CPLANE1: variants seen among roughly 807,000 people sequenced by gnomAD.
CPLANE1 encodes ciliogenesis and planar polarity effector 1.
Under a neutral mutation model 362.5 loss-of-function variants are expected in CPLANE1, and 263 were observed. That is an observed-to-expected ratio of 0.73 (90% CI 0.66 to 0.80). The LOEUF is 0.80. Ranked by LOEUF, CPLANE1 falls within the 30% of genes least tolerant of loss-of-function variation. The pLI, the probability that CPLANE1 is intolerant of heterozygous loss-of-function variation, is 0.00. For synonymous variants in CPLANE1, 1,212 were observed against 1,302.6 expected, an observed-to-expected ratio of 0.93 and a Z score of 1.50; for missense variants, 3,461 against 3,793.4, an observed-to-expected ratio of 0.91 and a Z score of 2.30.
chr5:37,225,480 C>T (rs1796253180), intron 12 of CPLANE1, among the ~76,000 whole-genome samples: 1 of 152,128 alleles, frequency 6.6e-6, no homozygotes, highest in Non-Finnish European at 1.5e-5. Flanking sequence ...GATCCACCCA[C>T]CTCAGCCTCC....
rs777160266 is a variant in CPLANE1, at chr5:37,142,383, T to C, written c.8559A>G (p.Lys2853=). Residue 2853 remains lysine (K), a synonymous_variant, in exon 44 of 53, where the codon AAA becomes AAG. Coordinates refer to ENST00000651892, the MANE Select transcript of CPLANE1 (RefSeq NM_001384732.1). Reference sequence around the variant, plus strand: ...AATCGGCAGTAGGAAACACACAGGTTTTCTGACCAGAATAATTTTCTGTTA... The same window carrying C: ...AATCGGCAGTAGGAAACACACAGGTCTTCTGACCAGAATAATTTTCTGTTA... ...FSITENYSGQ[K]TCVFPTADSA... is the part of the protein sequence containing the mutation. 4.3e-6 allele frequency: 7 copies of C among 1,611,876 alleles called. No homozygotes were observed. In the African/African-American group the frequency reaches 9.4e-5, roughly 22 times the overall value.
intron 50 of CPLANE1, among the ~76,000 whole-genome samples, chr5:37,115,892 C>T (rs532224135): frequency 6.6e-6 from 1 of 151,884 alleles, no homozygotes; most frequent in South Asian, 2.1e-4. Flanking sequence ...CATGCCCGGC[C>T]GACTTTTACT....
At chr5:37,130,543 T>C (rs997423037) in intron 46 of CPLANE1, 17 of 210,440 alleles carry the variant, frequency 8.1e-5, no homozygotes, top group Non-Finnish European at 2.0e-5. Context: ...CATCTTAAAA[T>C]AAATGTTATG....
intron 21 of CPLANE1, among the ~76,000 whole-genome samples, chr5:37,192,606 T>C (rs2151303458): frequency 6.6e-6 from 1 of 152,268 alleles, no homozygotes; most frequent in South Asian, 2.1e-4. Context: ...GGCTCACACC[T>C]GTAATCCCAG....
In CPLANE1 at chr5:37,183,301, T is replaced by C. The variant is rs768285147; in HGVS notation, c.4880A>G (p.Glu1627Gly). Residue 1627 changes from glutamate to glycine, a missense_variant, in exon 26 of 53, where the codon GAA (glutamate) becomes GGA (glycine). Coordinates refer to ENST00000651892, the MANE Select transcript of CPLANE1 (RefSeq NM_001384732.1). ...ATTTAAAGAGGATGATTTTTCTGAT[T>C]CATAGGACTCAGGAGCAACAACAAA... ...SCFVVAPESYESEKSSSLNDE... is the reference protein window; with the variant it reads ...SCFVVAPESYGSEKSSSLNDE... 3 of 1,613,380 alleles carry C rather than the reference T, an allele frequency of 1.9e-6. No individual in the cohort carries two copies. Among genetic ancestry groups the C allele is most frequent in the South Asian group, 2.2e-5 (2 of 90,858 alleles).
At chr5:37,178,889 G>A (rs570547807) in intron 29 of CPLANE1, among the ~76,000 whole-genome samples, 21 of 152,130 alleles carry the variant, frequency 1.4e-4, no homozygotes, top group African/African-American at 5.1e-4. Context: ...CTTCTAAGTA[G>A]CTGAGACTAC....
intron 9 of CPLANE1, 130 bp downstream of exon 9, chr5:37,230,737 T>C (rs935152109): frequency 3.7e-6 from 2 of 533,742 alleles, no homozygotes; most frequent in African/African-American, 3.9e-5. Context: ...AAGAAACAGA[T>C]ATTGAGATGA....
At position 37,224,730 on chromosome 5, in the gene CPLANE1, G is replaced by A; in HGVS notation, c.2302C>T (p.Leu768Phe). Residue 768 changes from leucine (L) to phenylalanine (F), a missense_variant, in exon 13 of 53, where the codon CTC becomes TTC. Physicochemically the swap from Leu to Phe is conservative, Grantham distance 22. Around this residue, in one of 2 missense-constraint regions of CPLANE1, gnomAD observed 3,380 missense variants for 3,666.1 expected, o/e 0.92. Transcript: ENST00000651892. ...GTTTTTTTGTACAGTATTCTCCAGAGAATAAGCAATCTGCACATAAAATCA... is the reference window on the plus strand; with the variant it reads ...GTTTTTTTGTACAGTATTCTCCAGAAAATAAGCAATCTGCACATAAAATCA... Reference protein sequence around the residue: ...VQQPGHRLLILWRILYKKTLW... With the variant: ...VQQPGHRLLIFWRILYKKTLW... 1 of 1,547,972 alleles carries A rather than the reference G, an allele frequency of 6.5e-7. No individual in the cohort carries two copies. The highest frequency in any genetic ancestry group is 8.7e-7 in the Non-Finnish European group (1 of 1,144,514).
At position 37,167,094 on chromosome 5, in the gene CPLANE1, G is replaced by A; in HGVS notation, c.7353C>T (p.Val2451=). ...GTCTTACTTCAGGTGGTTCTATTTT[G>A]ACCTTTAGAAGTTGAAGGTGTCCAG... ...GDAGHLQLLK[V]KIEPPEVRQG... Residue 2451 remains valine (V), a synonymous_variant, in exon 35 of 53, where the codon GTC becomes GTT. Transcript: ENST00000651892. 6.2e-7 allele frequency: 1 copy of A among 1,612,566 alleles called. No homozygotes were observed. The highest frequency in any genetic ancestry group is 8.5e-7 in the Non-Finnish European group (1 of 1,179,550).
the CPLANE1 span, among the ~76,000 whole-genome samples, chr5:37,090,334 T>A: frequency 3.9e-5 from 6 of 152,232 alleles, no homozygotes; most frequent in Admixed American, 1.3e-4. Context: ...TTTTGCCACA[T>A]ACCGGGACTA....
rs568769101 is a variant in CPLANE1 at position 37,231,185 on chromosome 5, C to T, written c.939-136G>A. On this transcript the variant is annotated intron_variant, in intron 8 of 52. Transcript: ENST00000651892. ...AAGAATGACTAATAGTAGACAATTGCCATACACATTTCATGAATTTTACTT... is the reference window on the plus strand; with the variant it reads ...AAGAATGACTAATAGTAGACAATTGTCATACACATTTCATGAATTTTACTT... The T allele has an allele frequency of 3.2e-5, 15 of 469,006 alleles. No individual in the cohort carries two copies. The South Asian group carries it at 1.3e-3, about 40-fold the overall frequency. The allele number at this position is 469,006 out of a possible 1,614,324, so 29.1% of individuals were successfully genotyped here. A position where few individuals can be genotyped will look rare whatever the true frequency, so the allele number is the denominator to read the frequency against.
At chr5:37,085,854 A>G in the CPLANE1 span, 4 of 1,162,466 alleles carry the variant, frequency 3.4e-6, no homozygotes, top group African/African-American at 6.0e-5. Context: ...AGTGGGTGAA[A>G]TGGTCCCTGG....
intron 32 of CPLANE1, among the ~76,000 whole-genome samples, chr5:37,173,041 A>G (rs147493835): frequency 2.0e-5 from 3 of 152,338 alleles, no homozygotes; most frequent in African/African-American, 7.2e-5. Context: ...AGAATCATCA[A>G]TATGGAAATG....
At chr5:37,126,828 G>T (rs1259462034) in intron 46 of CPLANE1, among the ~76,000 whole-genome samples, 1 of 152,050 alleles carries the variant, frequency 6.6e-6, no homozygotes, top group Non-Finnish European at 1.5e-5. Context: ...CTCCAAAAAA[G>T]AAAATTTTAA....
At chr5:37,234,170 C>T (rs990039975) in intron 8 of CPLANE1, among the ~76,000 whole-genome samples, 2 of 151,862 alleles carry the variant, frequency 1.3e-5, no homozygotes, top group East Asian at 1.9e-4. Context: ...CCACAGAAAA[C>T]ATAAGAAAAG....
At chr5:37,213,001 G>A (rs538597363) in intron 16 of CPLANE1, among the ~76,000 whole-genome samples, 2 of 152,322 alleles carry the variant, frequency 1.3e-5, no homozygotes, top group African/African-American at 4.8e-5. Flanking sequence ...CTGAGGTCAG[G>A]AGTTCGAGAC....
chr5:37,098,427 CA>C, the CPLANE1 span, among the ~76,000 whole-genome samples: 1 of 140,256 alleles, frequency 7.1e-6, no homozygotes, highest in African/African-American at 2.7e-5. Flanking sequence ...CACACACATA[CA>C]CCTACTCACA....
At position 37,125,321 on chromosome 5, in the gene CPLANE1, T is replaced by C. The variant is rs756716882; in HGVS notation, c.8881A>G (p.Arg2961Gly). ...AGCTCATTTAAGTACTTTGCCATTCTTTCTTTTCGTTTTCTTTTCATCCAG... is the reference window on the plus strand; with the variant it reads ...AGCTCATTTAAGTACTTTGCCATTCCTTCTTTTCGTTTTCTTTTCATCCAG... ...QAWMKRKRKE[R>G]MAKYLNELAE... The change falls in exon 47 of 53, where the codon AGA (arginine) becomes GGA (glycine). Residue 2961 changes from arginine to glycine, a missense_variant. Around this residue, in one of 2 missense-constraint regions of CPLANE1, gnomAD observed 3,380 missense variants for 3,666.1 expected, o/e 0.92. Coordinates refer to ENST00000651892, the MANE Select transcript of CPLANE1 (RefSeq NM_001384732.1). 1.1e-5 allele frequency: 17 copies of C among 1,614,090 alleles called. No homozygotes were observed. The highest frequency in any genetic ancestry group is 1.7e-4 in the Middle Eastern group (1 of 6,060).
intron 12 of CPLANE1, 36 bp downstream of exon 12, chr5:37,226,268 C>A: frequency 7.3e-7 from 1 of 1,370,376 alleles, no homozygotes; most frequent in Non-Finnish European, 9.6e-7. Flanking sequence ...AAAAACTAAG[C>A]TAATAGTATC....
Sources: gnomAD v4.1 joint callset for allele counts (sites outside exome capture counted in the v4.1 genomes callset) on GRCh38, gnomAD v4.1.1 for gene constraint, gnomAD v4.1.1 regional missense constraint, MANE v1.5 for transcripts, NCBI Gene and HGNC (gene_info 2026-07-23, HGNC 2026-07-21) for gene names.